The following MTRF1 variants were observed in gnomAD, a reference collection of about 807,000 sequenced individuals.
MTRF1 encodes mitochondrial translation release factor 1.
A neutral mutation model predicts 62.9 loss-of-function variants in MTRF1; 51 were observed. The observed-to-expected ratio is 0.81, with a 90% CI of 0.65 to 1.02. The LOEUF (loss-of-function observed/expected upper bound fraction) is 1.02. Ranked by LOEUF, MTRF1 falls within the 50% of genes least tolerant of loss-of-function variation. MTRF1 has a pLI of 0.00. For synonymous variants in MTRF1, 158 were observed against 181.9 expected (o/e 0.87, Z 1.06); for missense variants, 446 against 530.0 (o/e 0.84, Z 1.56).
At chr13:41,290,774 T>C in the MTRF1 span, among the ~76,000 whole-genome samples, 1 of 151,798 alleles carries the variant, frequency 6.6e-6, no homozygotes, top group African/African-American at 2.4e-5. Flanking sequence ...AAAACTGCAA[T>C]TACTTTTGCA....
chr13:41,309,172 A>G, the MTRF1 span, among the ~76,000 whole-genome samples: 1 of 151,402 alleles, frequency 6.6e-6, no homozygotes, highest in Non-Finnish European at 1.5e-5. Flanking sequence ...TGCTGCGATG[A>G]ACATACACGT....
chr13:41,266,534 C>G (rs1007819751), upstream of MTRF1, among the ~76,000 whole-genome samples: 1 of 152,116 alleles, frequency 6.6e-6, no homozygotes, highest in African/African-American at 2.4e-5. Context: ...CTCACTTGAA[C>G]CTGGGAAGTA....
chr13:41,267,863 G>GAA (rs61467590), upstream of MTRF1, among the ~76,000 whole-genome samples: 88 of 149,614 alleles, frequency 5.9e-4, no homozygotes, highest in South Asian at 2.3e-3. Context: ...AGAAACTGTT[G>GAA]AAAAAAAAAA....
At chr13:41,249,150 C>T (rs1011780459) in intron 5 of MTRF1, among the ~76,000 whole-genome samples, 1 of 152,148 alleles carries the variant, frequency 6.6e-6, no homozygotes, top group African/African-American at 2.4e-5. Flanking sequence ...TTTGTGTGCA[C>T]ATATATGTAA....
chr13:41,278,271 C>T, the MTRF1 span, among the ~76,000 whole-genome samples: 93 of 152,184 alleles, frequency 6.1e-4, no homozygotes, highest in African/African-American at 2.0e-3. Flanking sequence ...CTTGGCGTCT[C>T]GAACAAAGAA....
chr13:41,276,658 C>T, the MTRF1 span, among the ~76,000 whole-genome samples: 475 of 152,254 alleles, frequency 3.1e-3, 2 homozygotes, highest in Non-Finnish European at 4.8e-3. Context: ...TTCAAGCTAG[C>T]TTTGGAAGAC....
chr13:41,264,098 AT>A (rs1435313537), upstream of MTRF1, among the ~76,000 whole-genome samples: 3 of 152,360 alleles, frequency 2.0e-5, no homozygotes, highest in African/African-American at 7.2e-5. Flanking sequence ...TTTAAAAAAA[AT>A]AAAGACTCCT....
chr13:41,220,736 C>A, intron 9 of MTRF1: 1 of 519,298 alleles, frequency 1.9e-6, no homozygotes, highest in Non-Finnish European at 3.4e-6. Flanking sequence ...ATTTCATTCT[C>A]TTCTCACTGA....
At chr13:41,267,480 A>G (rs1304955263), upstream of MTRF1, among the ~76,000 whole-genome samples, 3 of 152,022 alleles carry the variant, frequency 2.0e-5, no homozygotes, top group Non-Finnish European at 4.4e-5. Context: ...ATATTTTATT[A>G]CTCATTCTTC....
chr13:41,248,406 G>A (rs1179759721), intron 5 of MTRF1, among the ~76,000 whole-genome samples: 2 of 152,244 alleles, frequency 1.3e-5, no homozygotes, highest in Non-Finnish European at 2.9e-5. Flanking sequence ...ACAGGCGTAA[G>A]CCACTACGCC....
At chr13:41,264,835 C>G (rs1302084866), upstream of MTRF1, among the ~76,000 whole-genome samples, 1 of 152,188 alleles carries the variant, frequency 6.6e-6, no homozygotes, top group African/African-American at 2.4e-5. Flanking sequence ...CTCCTAAGCT[C>G]TGATATAGGG....
the MTRF1 span, among the ~76,000 whole-genome samples, chr13:41,290,452 G>C: frequency 1.8e-4 from 27 of 149,408 alleles, no homozygotes; most frequent in African/African-American, 6.4e-4. Flanking sequence ...GGAGTGCAGT[G>C]GCACAATCTC....
At chr13:41,282,953 C>T in the MTRF1 span, among the ~76,000 whole-genome samples, 1 of 152,322 alleles carries the variant, frequency 6.6e-6, no homozygotes, top group South Asian at 2.1e-4. Context: ...GACTTTTTTA[C>T]CACTGTTCAA....
chr13:41,235,295 T>C (rs900321791), intron 6 of MTRF1: 1 of 152,130 alleles, frequency 6.6e-6, no homozygotes, highest in African/African-American at 2.4e-5. Flanking sequence ...TAACACTGAT[T>C]TAACAAATAC....
At position 41,263,559 on chromosome 13, in the gene MTRF1, C is replaced by T; in HGVS notation, c.-83G>A. 1 of 212,546 alleles carries T rather than the reference C, an allele frequency of 4.7e-6. No homozygotes were observed. Among genetic ancestry groups the T allele is most frequent in the South Asian group, 6.2e-5 (1 of 16,198 alleles). 13.2% of individuals were successfully genotyped at this position (212,546 alleles called of 1,614,324 possible). A position where few individuals can be genotyped will look rare whatever the true frequency, so the allele number is the denominator to read the frequency against. The stretch of plus-strand genomic sequence containing the variant: ...TTCCGAGACCCGCCACATTTCAGCC[C>T]GACAAACCCGAGATCACGTTCACTT... On this transcript the variant is annotated 5_prime_UTR_variant, in exon 1 of 10. Transcript: ENST00000379480.
upstream of MTRF1, among the ~76,000 whole-genome samples, chr13:41,266,859 G>A (rs899399352): frequency 3.3e-5 from 5 of 152,016 alleles, no homozygotes; most frequent in Admixed American, 2.6e-4. Context: ...GCCGGGCGTG[G>A]TGGCAGGCGC....
rs1166204914 is a variant in MTRF1 at position 41,249,619 on chromosome 13, C to CTTTTTTTTT, written c.697+3017_697+3025dup. Among the ~76,000 whole-genome samples, 143 of 61,534 alleles carry CTTTTTTTTT rather than the reference C, an allele frequency of 2.3e-3. 9 individuals carry two copies. Among genetic ancestry groups the CTTTTTTTTT allele is most frequent in the Non-Finnish European group, 2.6e-3 (97 of 37,286 alleles). 40.4% of individuals were successfully genotyped at this position (61,534 alleles called of 152,430 possible). A position where few individuals can be genotyped will look rare whatever the true frequency, so the allele number is the denominator to read the frequency against. ...TATTCTTAGTCTTTGATTTTTTTTT[C>CTTTTTTTTT]TTTTTTTTTTTTTTTTTTTTTTTTT... On this transcript the variant is annotated intron_variant, in intron 5 of 9. Transcript: ENST00000379480.
intron 6 of MTRF1, among the ~76,000 whole-genome samples, chr13:41,238,349 AAAG>A (rs2037003388): frequency 6.6e-6 from 1 of 152,220 alleles, no homozygotes; most frequent in South Asian, 2.1e-4. Context: ...ATTTGAAGGT[AAAG>A]AAGAATAGTA....
chr13:41,226,885 G>C (rs1280078561), intron 7 of MTRF1, among the ~76,000 whole-genome samples: 1 of 152,138 alleles, frequency 6.6e-6, no homozygotes, highest in African/African-American at 2.4e-5. Context: ...TCAACAAACA[G>C]CAAACTACTG....
Sources: allele counts gnomAD v4.1 joint callset (sites outside exome capture counted in the v4.1 genomes callset), GRCh38; gene constraint gnomAD v4.1.1; transcripts MANE v1.5; gene names NCBI Gene and HGNC (gene_info 2026-07-23, HGNC 2026-07-21).